GRID1: variants seen among roughly 807,000 people sequenced by gnomAD.
GRID1 encodes the protein glutamate receptor ionotropic, delta-1.
In GRID1, 28 loss-of-function variants were observed where a neutral mutation model predicts 98.0. The ratio of observed to expected loss-of-function variants is 0.29; its 90% CI spans 0.21 to 0.39. The LOEUF is 0.39. Among genes scored for constraint, GRID1 ranks in the 10% least tolerant of loss-of-function variants. The pLI is 1.00. For missense variants in GRID1, 1,111 were observed against 1,340.5 expected (o/e 0.83, Z 2.67); for synonymous variants, 553 against 538.5 (o/e 1.03, Z -0.37).
At chr10:86,021,277 G>A (rs912589556) in intron 4 of GRID1, among the ~76,000 whole-genome samples, 11 of 152,116 alleles carry the variant, frequency 7.2e-5, no homozygotes, top group Admixed American at 2.0e-4. Flanking sequence ...ACTCCTTGGC[G>A]AACAGGTGTC....
chr10:85,965,020 A>G (rs1337949459), intron 4 of GRID1, among the ~76,000 whole-genome samples: 1 of 152,268 alleles, frequency 6.6e-6, no homozygotes, highest in African/African-American at 2.4e-5. Context: ...TATGCAGCCA[A>G]CAAACATATG....
chr10:85,987,457 T>A (rs1251428633), intron 4 of GRID1, among the ~76,000 whole-genome samples: 1 of 39,996 alleles, frequency 2.5e-5, no homozygotes, highest in African/African-American at 1.1e-4. Context: ...GCCTTATCTC[T>A]CCCCAAGCCT....
At chr10:86,169,234 A>G (rs758328212) in intron 3 of GRID1, among the ~76,000 whole-genome samples, 2 of 152,240 alleles carry the variant, frequency 1.3e-5, no homozygotes, top group Non-Finnish European at 2.9e-5. Context: ...CCTTCCGGCA[A>G]TGACCTTAGG....
chr10:85,947,378 A>C (rs1389878946), intron 4 of GRID1, among the ~76,000 whole-genome samples: 16 of 152,192 alleles, frequency 1.1e-4, no homozygotes, highest in Admixed American at 1.0e-3. Flanking sequence ...CACATCTTTG[A>C]ACTGTTTTTC....
At chr10:85,997,923 T>G (rs1235500399) in intron 4 of GRID1, among the ~76,000 whole-genome samples, 1 of 152,116 alleles carries the variant, frequency 6.6e-6, no homozygotes, top group Non-Finnish European at 1.5e-5. Flanking sequence ...GTAGCTAAAT[T>G]AACATCAGAC....
At chr10:86,016,538 GA>G (rs1842983281) in intron 4 of GRID1, among the ~76,000 whole-genome samples, 2 of 152,134 alleles carry the variant, frequency 1.3e-5, no homozygotes, top group Non-Finnish European at 2.9e-5. Flanking sequence ...AAATTGGGTA[GA>G]CTTTTTCTGT....
chr10:86,153,306 C>T (rs1369818961), intron 3 of GRID1, among the ~76,000 whole-genome samples: 1 of 152,190 alleles, frequency 6.6e-6, no homozygotes, highest in African/African-American at 2.4e-5. Flanking sequence ...TGGGCTGGAG[C>T]CCATCCTACC....
chr10:85,801,606 T>C (rs1282454129), intron 8 of GRID1, among the ~76,000 whole-genome samples: 3 of 151,766 alleles, frequency 2.0e-5, no homozygotes, highest in Admixed American at 1.3e-4. Flanking sequence ...ATATTTAATA[T>C]CTTATTTATG....
chr10:86,184,461 CTTT>C (rs1198471392), intron 3 of GRID1, among the ~76,000 whole-genome samples: 6 of 123,016 alleles, frequency 4.9e-5, no homozygotes, highest in African/African-American at 9.1e-5. Context: ...TTTCTTTTTT[CTTT>C]TTTTTTTTTT....
At chr10:85,936,078 T>C (rs1269236043) in intron 4 of GRID1, among the ~76,000 whole-genome samples, 3 of 152,022 alleles carry the variant, frequency 2.0e-5, no homozygotes, top group Non-Finnish European at 4.4e-5. Flanking sequence ...AGGGGTTCTA[T>C]GGAGGGGTGG....
chr10:85,729,436 G>A (rs1841798212), intron 9 of GRID1, 77 bp downstream of exon 9: 2 of 792,764 alleles, frequency 2.5e-6, no homozygotes, highest in Non-Finnish European at 4.4e-6. Context: ...CCCAAACCCA[G>A]CATTAAACAG....
intron 2 of GRID1, among the ~76,000 whole-genome samples, chr10:86,272,099 A>G (rs1847194155): frequency 6.6e-6 from 1 of 152,146 alleles, no homozygotes; most frequent in African/African-American, 2.4e-5. Flanking sequence ...GAAACAATAC[A>G]AATAGAAGAC....
intron 2 of GRID1, among the ~76,000 whole-genome samples, chr10:86,232,560 T>C (rs934587149): frequency 2.1e-4 from 32 of 152,184 alleles, no homozygotes; most frequent in African/African-American, 7.5e-4. Context: ...TCCAAAGAGA[T>C]ACTGCGAAGT....
At chr10:85,747,056 G>A (rs1359777300) in intron 8 of GRID1, among the ~76,000 whole-genome samples, 1 of 152,046 alleles carries the variant, frequency 6.6e-6, no homozygotes, top group Non-Finnish European at 1.5e-5. Flanking sequence ...TCATTTGAGT[G>A]TCACCAACAC....
At chr10:85,853,753 G>C (rs985732036) in intron 8 of GRID1, among the ~76,000 whole-genome samples, 4 of 152,162 alleles carry the variant, frequency 2.6e-5, no homozygotes, top group Non-Finnish European at 5.9e-5. Flanking sequence ...GCCCTTACTT[G>C]CCATGTCGGC....
At chr10:86,146,928 G>A (rs1845097045) in intron 3 of GRID1, among the ~76,000 whole-genome samples, 1 of 152,196 alleles carries the variant, frequency 6.6e-6, no homozygotes, top group African/African-American at 2.4e-5. Flanking sequence ...AAGTCAGCGG[G>A]GCACCAAGCA....
intron 3 of GRID1, among the ~76,000 whole-genome samples, chr10:86,151,438 C>A (rs1250979353): frequency 1.3e-5 from 2 of 151,882 alleles, no homozygotes; most frequent in African/African-American, 4.8e-5. Context: ...CCCATCCCCA[C>A]CCCAGACCTA....
chr10:85,684,693 T>C (rs1841248880), intron 12 of GRID1, among the ~76,000 whole-genome samples: 1 of 152,188 alleles, frequency 6.6e-6, no homozygotes, highest in African/African-American at 2.4e-5. Flanking sequence ...AAGTCCACCA[T>C]ACTATTTAGC....
intron 8 of GRID1, among the ~76,000 whole-genome samples, chr10:85,803,945 G>C (rs1056021445): frequency 6.6e-6 from 1 of 151,600 alleles, no homozygotes; most frequent in Admixed American, 6.6e-5. Context: ...TTTTTTAAAA[G>C]AGAAAGGTAT....
Sources: gnomAD v4.1 joint callset for allele counts (sites outside exome capture counted in the v4.1 genomes callset) on GRCh38, gnomAD v4.1.1 for gene constraint, MANE v1.5 for transcripts, NCBI Gene and HGNC (gene_info 2026-07-23, HGNC 2026-07-21) for gene names.